CHST11: variants seen among roughly 807,000 people sequenced by gnomAD.
CHST11 encodes carbohydrate sulfotransferase 11.
Under a neutral mutation model 30.4 loss-of-function variants are expected in CHST11, and 9 were observed. That is an observed-to-expected ratio of 0.30 (90% CI 0.18 to 0.52). The LOEUF (loss-of-function observed/expected upper bound fraction) is 0.52. Among genes scored for constraint, CHST11 ranks in the 20% least tolerant of loss-of-function variants. The pLI is 0.97. For synonymous variants in CHST11, 152 were observed against 187.8 expected, an observed-to-expected ratio of 0.81 and a Z score of 1.56; for missense variants, 348 against 460.6, an observed-to-expected ratio of 0.76 and a Z score of 2.24.
intron 2 of CHST11, among the ~76,000 whole-genome samples, chr12:104,696,482 CAAA>C (rs10602668): frequency 0.32 from 21,939 of 68,704 alleles, 1,444 homozygotes; most frequent in Admixed American, 0.34. Context: ...GCTAAAAATA[CAAA>C]AAAAAAAAAA....
chr12:104,591,016 G>A (rs1166235959), intron 1 of CHST11, among the ~76,000 whole-genome samples: 1 of 152,170 alleles, frequency 6.6e-6, no homozygotes, highest in African/African-American at 2.4e-5. Context: ...CTCTCTCTGG[G>A]GACCTGATGA....
chr12:104,480,560 A>G (rs1340708233), intron 1 of CHST11, among the ~76,000 whole-genome samples: 1 of 144,950 alleles, frequency 6.9e-6, no homozygotes, highest in African/African-American at 2.6e-5. Flanking sequence ...CCTGGGCTAC[A>G]GAGCAAGATT....
chr12:104,648,918 A>G (rs2039463586), intron 2 of CHST11, among the ~76,000 whole-genome samples: 1 of 152,232 alleles, frequency 6.6e-6, no homozygotes, highest in Non-Finnish European at 1.5e-5. Context: ...AGGCCTGAAG[A>G]GCCGGGGTGA....
At chr12:104,578,539 C>G (rs895521828) in intron 1 of CHST11, among the ~76,000 whole-genome samples, 1 of 152,080 alleles carries the variant, frequency 6.6e-6, no homozygotes, top group African/African-American at 2.4e-5. Flanking sequence ...GCGCTGGGTC[C>G]GTTGGCTGTC....
chr12:104,531,479 A>AAAAAAG (rs1167716012), intron 1 of CHST11, among the ~76,000 whole-genome samples: 1 of 145,362 alleles, frequency 6.9e-6, no homozygotes, highest in African/African-American at 2.5e-5. Flanking sequence ...AAAAAAAAAA[A>AAAAAAG]AGAGAGAGAG....
At chr12:104,517,837 A>G (rs755333418) in intron 1 of CHST11, among the ~76,000 whole-genome samples, 2 of 152,208 alleles carry the variant, frequency 1.3e-5, no homozygotes, top group Non-Finnish European at 2.9e-5. Flanking sequence ...GCTTGGCGAA[A>G]TGAAGCCAGA....
chr12:104,540,685 C>A (rs983418756), intron 1 of CHST11, among the ~76,000 whole-genome samples: 1 of 152,182 alleles, frequency 6.6e-6, no homozygotes, highest in Non-Finnish European at 1.5e-5. Context: ...GGGAAACCTG[C>A]AGATGGGTGA....
chr12:104,645,268 A>G (rs2039416267), intron 2 of CHST11, among the ~76,000 whole-genome samples: 1 of 152,084 alleles, frequency 6.6e-6, no homozygotes, highest in Admixed American at 6.5e-5. Context: ...AATTAATAAT[A>G]ATAGTTCCCA....
chr12:104,637,944 C>G (rs1473458249), intron 2 of CHST11, among the ~76,000 whole-genome samples: 1 of 152,214 alleles, frequency 6.6e-6, no homozygotes, highest in Non-Finnish European at 1.5e-5. Flanking sequence ...AGGCTGGAAC[C>G]TCTATGAGGA....
chr12:104,690,788 A>G (rs1420711762), intron 2 of CHST11, among the ~76,000 whole-genome samples: 1 of 152,186 alleles, frequency 6.6e-6, no homozygotes, highest in Non-Finnish European at 1.5e-5. Context: ...GGATTGCACC[A>G]CTGCACTCCA....
At chr12:104,554,112 T>C (rs572425000) in intron 1 of CHST11, among the ~76,000 whole-genome samples, 1 of 152,334 alleles carries the variant, frequency 6.6e-6, no homozygotes, top group East Asian at 1.9e-4. Context: ...TATAATCTTA[T>C]ATAATGTAAT....
At chr12:104,725,567 G>C (rs973145024) in intron 2 of CHST11, among the ~76,000 whole-genome samples, 9 of 147,612 alleles carry the variant, frequency 6.1e-5, no homozygotes, top group Admixed American at 2.0e-4. Flanking sequence ...TCTCCTCCCC[G>C]CCGTGGTTGT....
At chr12:104,474,616 T>C (rs1467164757) in intron 1 of CHST11, among the ~76,000 whole-genome samples, 1 of 152,236 alleles carries the variant, frequency 6.6e-6, no homozygotes, top group East Asian at 1.9e-4. Flanking sequence ...ATGTTGTCAT[T>C]GGAAAGTCAC....
chr12:104,534,315 A>G (rs868279949), intron 1 of CHST11, among the ~76,000 whole-genome samples: 2 of 152,204 alleles, frequency 1.3e-5, no homozygotes, highest in Admixed American at 1.3e-4. Flanking sequence ...GATATGGGCC[A>G]CAAATGAAGA....
rs745504053 is a variant in CHST11, at chr12:104,458,794, G to A, written c.118+1265G>A. On this transcript the variant is annotated intron_variant, in intron 1 of 2. Coordinates refer to ENST00000303694, the MANE Select transcript of CHST11 (RefSeq NM_018413.6). This position sits in a 1 kb window ranked among gnomAD's most constrained non-coding sequence, Gnocchi z 5.7. ...ACGCATTTCCTTCCAGGGAAGTGGGGTTGGTGTTTTTCATTTTTGCCTCCC... is the reference window on the plus strand; with the variant it reads ...ACGCATTTCCTTCCAGGGAAGTGGGATTGGTGTTTTTCATTTTTGCCTCCC... Among the ~76,000 whole-genome samples, 49 of 152,260 alleles carry A rather than the reference G, an allele frequency of 3.2e-4. No homozygotes were observed. The highest frequency in any genetic ancestry group is 6.0e-4 in the Non-Finnish European group (41 of 68,046).
chr12:104,624,786 G>A (rs1218436335), intron 2 of CHST11, among the ~76,000 whole-genome samples: 3 of 152,064 alleles, frequency 2.0e-5, no homozygotes, highest in Non-Finnish European at 4.4e-5. Flanking sequence ...TTGTTGACTC[G>A]GGTCTTGGAG....
intron 2 of CHST11, among the ~76,000 whole-genome samples, chr12:104,616,112 C>A (rs2039105295): frequency 6.6e-6 from 1 of 152,100 alleles, no homozygotes; most frequent in African/African-American, 2.4e-5. Context: ...TCCCTGGGAG[C>A]AAATGAGCAG....
intron 2 of CHST11, among the ~76,000 whole-genome samples, chr12:104,651,668 A>G (rs1003925799): frequency 6.6e-6 from 1 of 152,128 alleles, no homozygotes; most frequent in East Asian, 1.9e-4. Context: ...GCCATTCTAG[A>G]AGGTTCTAAG....
At chr12:104,459,315 C>G (rs2037385910) in intron 1 of CHST11, among the ~76,000 whole-genome samples, 1 of 152,102 alleles carries the variant, frequency 6.6e-6, no homozygotes, top group Non-Finnish European at 1.5e-5. Context: ...CCAGACTCAC[C>G]CCAGAGCGCC....
Sources: allele counts gnomAD v4.1 joint callset (sites outside exome capture counted in the v4.1 genomes callset), GRCh38; gene constraint gnomAD v4.1.1; non-coding constraint Gnocchi (gnomAD v3.1); transcripts MANE v1.5; gene names NCBI Gene and HGNC (gene_info 2026-07-23, HGNC 2026-07-21).